The following NEDD9 variants were observed in gnomAD, a reference collection of about 807,000 sequenced individuals.
NEDD9 encodes the protein neural precursor cell expressed, developmentally down-regulated 9, also known as enhancer of filamentation 1.
In NEDD9, 26 loss-of-function variants were observed where a neutral mutation model predicts 76.6. That is an observed-to-expected ratio of 0.34 (90% CI 0.25 to 0.47). The LOEUF (loss-of-function observed/expected upper bound fraction) is 0.47, where lower values mean the gene tolerates loss of function less well. Among genes scored for constraint, NEDD9 ranks in the 20% least tolerant of loss-of-function variants. The pLI, the probability that NEDD9 is intolerant of heterozygous loss-of-function variation, is 1.00. For synonymous variants in NEDD9, 392 were observed against 414.2 expected (o/e 0.95, Z 0.65); for missense variants, 937 against 1,058.5 (o/e 0.89, Z 1.59).
At chr6:11,286,135 T>A (rs141743442) in intron 3 of NEDD9, among the ~76,000 whole-genome samples, 2,642 of 152,276 alleles carry the variant, frequency 0.017, 74 homozygotes, top group African/African-American at 0.059. Context: ...GAAACTCTCA[T>A]TACTGAATAA....
At chr6:11,219,420 C>T (rs947446945) in intron 1 of NEDD9, among the ~76,000 whole-genome samples, 1 of 152,170 alleles carries the variant, frequency 6.6e-6, no homozygotes, top group Non-Finnish European at 1.5e-5. Flanking sequence ...ATTTTTACTT[C>T]ATTCTATATT....
Position 11,323,188 on chromosome 6 carries a change from T to C in NEDD9, c.-153+11313A>G, listed in dbSNP as rs143435703. Reference sequence around the variant, plus strand: ...ATCTTTGTAGGCCTCAGGATATATATATTTTGCAGTGACTTTCAAGGCTGA... The same window carrying C: ...ATCTTTGTAGGCCTCAGGATATATACATTTTGCAGTGACTTTCAAGGCTGA... On this transcript the variant is annotated intron_variant, in intron 2 of 3. Coordinates refer to the NEDD9 transcript ENST00000397378. Among the ~76,000 whole-genome samples the C allele has an allele frequency of 3.2e-3, 486 of 152,334 alleles. 9 individuals carry two copies. The highest frequency in any genetic ancestry group is 0.022 in the Admixed American group (343 of 15,298).
In NEDD9 at chr6:11,373,100, TGAAA is replaced by T. The variant is rs544978761; in HGVS notation, c.-214+9035_-214+9038del. 2.6e-3 allele frequency among the ~76,000 whole-genome samples: 401 copies of T among 152,204 alleles called. 1 individual carries two copies. Among genetic ancestry groups the T allele is most frequent in the African/African-American group, 9.2e-3 (383 of 41,522 alleles). On this transcript the variant is annotated intron_variant, in intron 1 of 3. Transcript: ENST00000397378. ...TTCTGTCTTCCCAAATCAATTCTTT[TGAAA>T]TCAAACACCTTCGTTAAGTGGTTCC...
chr6:11,256,455 TG>T (rs2113315099), intron 3 of NEDD9, among the ~76,000 whole-genome samples: 1 of 152,244 alleles, frequency 6.6e-6, no homozygotes, highest in African/African-American at 2.4e-5. Context: ...GAAGCGTAGG[TG>T]GTATCTCTTT....
intron 1 of NEDD9, among the ~76,000 whole-genome samples, chr6:11,337,650 A>C (rs1762190363): frequency 6.6e-6 from 1 of 152,222 alleles, no homozygotes; most frequent in Non-Finnish European, 1.5e-5. Context: ...CCTGAAGGGC[A>C]GGAGGATGTT....
intron 3 of NEDD9, among the ~76,000 whole-genome samples, chr6:11,283,844 G>A (rs1006295960): frequency 9.3e-5 from 14 of 151,188 alleles, no homozygotes; most frequent in East Asian, 1.9e-4. Flanking sequence ...GAGGGTTCAC[G>A]TGTGTGTGTG....
intron 2 of NEDD9, among the ~76,000 whole-genome samples, chr6:11,204,165 A>G (rs745967235): frequency 1.3e-5 from 2 of 152,212 alleles, no homozygotes; most frequent in Non-Finnish European, 2.9e-5. Context: ...TTAATGACAA[A>G]GAAGTGAAGG....
intron 1 of NEDD9, among the ~76,000 whole-genome samples, chr6:11,353,402 C>A (rs547049260): frequency 6.6e-6 from 1 of 152,176 alleles, no homozygotes; most frequent in Non-Finnish European, 1.5e-5. Context: ...AGGGAGAAGG[C>A]GGCCCTGTGA....
intron 2 of NEDD9, among the ~76,000 whole-genome samples, chr6:11,196,441 AC>A (rs1381361669): frequency 6.6e-6 from 1 of 152,220 alleles, no homozygotes; most frequent in Non-Finnish European, 1.5e-5. Flanking sequence ...AGGCAGGTTC[AC>A]CGCTAAAGTG....
At chr6:11,285,292 A>C (rs974815669) in intron 3 of NEDD9, among the ~76,000 whole-genome samples, 1 of 152,192 alleles carries the variant, frequency 6.6e-6, no homozygotes, top group African/African-American at 2.4e-5. Context: ...TTTGGTGTAC[A>C]GTTCTCTGTA....
At chr6:11,273,751 T>C (rs1760361931) in intron 3 of NEDD9, among the ~76,000 whole-genome samples, 1 of 152,174 alleles carries the variant, frequency 6.6e-6, no homozygotes, top group Non-Finnish European at 1.5e-5. Context: ...GAGTAGAGCC[T>C]CACTCAATAT....
At chr6:11,347,648 A>G (rs2113530508) in intron 1 of NEDD9, among the ~76,000 whole-genome samples, 2 of 152,338 alleles carry the variant, frequency 1.3e-5, no homozygotes, top group East Asian at 3.9e-4. Context: ...CAACATGTGC[A>G]AATCAATAAA....
chr6:11,318,923 G>C (rs1198125959), intron 2 of NEDD9, among the ~76,000 whole-genome samples: 1 of 152,222 alleles, frequency 6.6e-6, no homozygotes, highest in East Asian at 1.9e-4. Flanking sequence ...GTGAGAATTT[G>C]TCCAGTTTAT....
In NEDD9 at chr6:11,237,743, A is replaced by G. The variant is rs6938477; in HGVS notation, c.13-24016T>C. ...GGCAAAGCCCCCAAAGCCGAAGAAG[A>G]AAAAGTATTATTTGGTTGTCTCTAG... is the stretch of plus-strand genomic sequence containing the variant. On this transcript the variant is annotated intron_variant, in intron 3 of 3. Coordinates refer to the NEDD9 transcript ENST00000397378. The surrounding 1 kb of genome is among the most constrained non-coding windows in gnomAD (Gnocchi z 4.9). Among the ~76,000 whole-genome samples the G allele has an allele frequency of 0.021, 3,157 of 152,254 alleles. 107 individuals carry two copies. The highest frequency in any genetic ancestry group is 0.072 in the African/African-American group (2,986 of 41,530).
chr6:11,308,888 A>G (rs1157591651), intron 2 of NEDD9, among the ~76,000 whole-genome samples: 1 of 152,216 alleles, frequency 6.6e-6, no homozygotes, highest in Non-Finnish European at 1.5e-5. Flanking sequence ...ATACATTTTG[A>G]AGTGATGTCA....
At chr6:11,191,907 AGGT>A in intron 4 of NEDD9, among the ~76,000 whole-genome samples, 1 of 152,198 alleles carries the variant, frequency 6.6e-6, no homozygotes, top group Non-Finnish European at 1.5e-5. Flanking sequence ...TGGGAGCCTG[AGGT>A]GGGAGGATTG....
chr6:11,261,152 C>T (rs934030486), intron 3 of NEDD9, among the ~76,000 whole-genome samples: 5 of 152,028 alleles, frequency 3.3e-5, no homozygotes, highest in East Asian at 3.8e-4. Context: ...GTACCAGAGC[C>T]GTGATGATTG....
intron 6 of NEDD9, among the ~76,000 whole-genome samples, chr6:11,186,446 C>T (rs1757983088): frequency 6.6e-6 from 1 of 152,036 alleles, no homozygotes; most frequent in Non-Finnish European, 1.5e-5. Flanking sequence ...ATAATAATTT[C>T]TAGGGATTCC....
At chr6:11,330,205 C>A (rs1017898904) in intron 2 of NEDD9, among the ~76,000 whole-genome samples, 2 of 152,234 alleles carry the variant, frequency 1.3e-5, no homozygotes, top group African/African-American at 4.8e-5. Flanking sequence ...AGATCACCTG[C>A]CCCCTAGTCA....
Sources: allele counts gnomAD v4.1 joint callset (sites outside exome capture counted in the v4.1 genomes callset), GRCh38; gene constraint gnomAD v4.1.1; non-coding constraint Gnocchi (gnomAD v3.1); transcripts MANE v1.5; gene names NCBI Gene and HGNC (gene_info 2026-07-23, HGNC 2026-07-21).